The following DSCAM variants were observed in gnomAD, a reference collection of about 807,000 sequenced individuals.
The protein encoded by DSCAM is cell adhesion molecule DSCAM.
Under a neutral mutation model 217.7 loss-of-function variants are expected in DSCAM, and 47 were observed. That is an observed-to-expected ratio of 0.22 (90% confidence interval 0.17 to 0.28). The LOEUF (loss-of-function observed/expected upper bound fraction) is 0.28. Among genes scored for constraint, DSCAM ranks in the 10% least tolerant of loss-of-function variants. DSCAM has a pLI of 1.00. For missense variants in DSCAM, 2,080 were observed against 2,618.3 expected (o/e 0.79, Z 4.49); for synonymous variants, 1,056 against 1,015.3 (o/e 1.04, Z -0.76).
At chr21:40,769,453 G>A (rs1231976451) in intron 1 of DSCAM, among the ~76,000 whole-genome samples, 1 of 152,128 alleles carries the variant, frequency 6.6e-6, no homozygotes, top group African/African-American at 2.4e-5. Flanking sequence ...AGTAGATGAG[G>A]CCTGCATGCT....
chr21:40,444,142 T>G (rs996841595), intron 3 of DSCAM, among the ~76,000 whole-genome samples: 5 of 152,072 alleles, frequency 3.3e-5, no homozygotes, highest in Admixed American at 6.6e-5. Context: ...TAAAACATGT[T>G]CAAGAGAGGA....
At chr21:40,639,965 T>C (rs1052116118) in intron 3 of DSCAM, among the ~76,000 whole-genome samples, 4 of 152,322 alleles carry the variant, frequency 2.6e-5, no homozygotes, top group South Asian at 2.1e-4. Context: ...GGAAGTGCCA[T>C]GTGTTAAGCA....
chr21:40,388,257 G>A (rs911839102), intron 3 of DSCAM, among the ~76,000 whole-genome samples: 4 of 152,178 alleles, frequency 2.6e-5, no homozygotes, highest in East Asian at 1.9e-4. Context: ...CGAGGTATGC[G>A]TGAGTAACCC....
rs186752194 is a variant in DSCAM at position 40,819,233 on chromosome 21, A to G, written c.43+27386T>C. On this transcript the variant is annotated intron_variant, in intron 1 of 32. Transcript: ENST00000400454. ...TTAATGGAGTCCAAAAGGCAGACTC[A>G]AGTGACCAGAAAAATTCTCTTTCAG... is the stretch of plus-strand genomic sequence containing the variant. Among the ~76,000 whole-genome samples, 380 of 152,364 alleles carry G rather than the reference A, an allele frequency of 2.5e-3. 2 individuals carry two copies. Among genetic ancestry groups the G allele is most frequent in the Middle Eastern group, 0.014 (4 of 294 alleles).
chr21:40,649,636 G>GA (rs60690344), intron 3 of DSCAM, among the ~76,000 whole-genome samples: 37,308 of 151,826 alleles, frequency 0.25, 4,776 homozygotes, highest in East Asian at 0.43. Context: ...TGCAGGGGTG[G>GA]AAAAAAACAT....
At chr21:40,520,805 T>C (rs2076352920) in intron 3 of DSCAM, among the ~76,000 whole-genome samples, 1 of 152,130 alleles carries the variant, frequency 6.6e-6, no homozygotes, top group East Asian at 1.9e-4. Flanking sequence ...AGACTCTCTC[T>C]CTCTAAAAAT....
At chr21:40,418,369 A>C (rs563427531) in intron 3 of DSCAM, among the ~76,000 whole-genome samples, 3 of 152,322 alleles carry the variant, frequency 2.0e-5, no homozygotes, top group African/African-American at 7.2e-5. Flanking sequence ...AATAAGTTTT[A>C]ATTGAAATTC....
intron 3 of DSCAM, among the ~76,000 whole-genome samples, chr21:40,406,717 G>C (rs1026096108): frequency 2.6e-5 from 4 of 152,074 alleles, no homozygotes; most frequent in African/African-American, 9.7e-5. Flanking sequence ...CAGCCTCCCA[G>C]GTAGATGAGA....
At chr21:40,481,237 C>A (rs976860758) in intron 3 of DSCAM, among the ~76,000 whole-genome samples, 1 of 152,150 alleles carries the variant, frequency 6.6e-6, no homozygotes, top group Non-Finnish European at 1.5e-5. Flanking sequence ...CGCCTGTAAT[C>A]CCAGCACTTT....
chr21:40,581,806 T>C (rs2076908030), intron 3 of DSCAM, among the ~76,000 whole-genome samples: 1 of 152,190 alleles, frequency 6.6e-6, no homozygotes, highest in Non-Finnish European at 1.5e-5. Flanking sequence ...CTTACTGCCT[T>C]TAAAGCTATA....
At chr21:40,049,343 G>C (rs1309914301) in intron 30 of DSCAM, among the ~76,000 whole-genome samples, 5 of 152,142 alleles carry the variant, frequency 3.3e-5, no homozygotes, top group African/African-American at 1.2e-4. Context: ...ATCATGCGGG[G>C]AACCTTGGGA....
At chr21:40,792,995 T>C (rs2091659930) in intron 1 of DSCAM, among the ~76,000 whole-genome samples, 1 of 152,226 alleles carries the variant, frequency 6.6e-6, no homozygotes, top group African/African-American at 2.4e-5. Flanking sequence ...TTCTTAGATG[T>C]ATATTTAGGT....
At chr21:40,743,390 G>A (rs2091143873) in intron 1 of DSCAM, among the ~76,000 whole-genome samples, 1 of 152,028 alleles carries the variant, frequency 6.6e-6, no homozygotes, top group South Asian at 2.1e-4. Flanking sequence ...TCACAATAAT[G>A]GCCTTTTATT....
intron 11 of DSCAM, among the ~76,000 whole-genome samples, chr21:40,220,993 T>A (rs559909866): frequency 2.6e-5 from 4 of 152,194 alleles, no homozygotes; most frequent in Non-Finnish European, 4.4e-5. Context: ...CTTTGTATTA[T>A]CTCCATTTCA....
chr21:40,231,833 T>C (rs1047050372), intron 11 of DSCAM, among the ~76,000 whole-genome samples: 1 of 152,188 alleles, frequency 6.6e-6, no homozygotes, highest in African/African-American at 2.4e-5. Context: ...AAGATGAGAA[T>C]GATGGCCTAC....
chr21:40,308,083 T>TAATAA (rs898199348), intron 9 of DSCAM, among the ~76,000 whole-genome samples: 1 of 151,742 alleles, frequency 6.6e-6, no homozygotes, highest in African/African-American at 2.4e-5. Flanking sequence ...TAAAGAATAA[T>TAATAA]AATAAAATAA....
chr21:40,379,431 A>T (rs148880859), intron 3 of DSCAM, among the ~76,000 whole-genome samples: 1 of 152,180 alleles, frequency 6.6e-6, no homozygotes, highest in Non-Finnish European at 1.5e-5. Context: ...GGCTTTTATT[A>T]TGCTTGCTTT....
intron 11 of DSCAM, among the ~76,000 whole-genome samples, chr21:40,274,401 G>T (rs2073659521): frequency 6.6e-6 from 1 of 152,088 alleles, no homozygotes; most frequent in South Asian, 2.1e-4. Flanking sequence ...AAAACATGAG[G>T]CTTGTCACTC....
intron 2 of DSCAM, among the ~76,000 whole-genome samples, chr21:40,701,401 A>T (rs888217204): frequency 9.9e-5 from 15 of 151,942 alleles, no homozygotes; most frequent in African/African-American, 3.4e-4. Context: ...GATTTCCTCT[A>T]TTGTTTCTTT....
Sources: gnomAD v4.1 joint callset for allele counts (sites outside exome capture counted in the v4.1 genomes callset) on GRCh38, gnomAD v4.1.1 for gene constraint, MANE v1.5 for transcripts, NCBI Gene and HGNC (gene_info 2026-07-23, HGNC 2026-07-21) for gene names.